Variants in ARPP21 observed in about 807,000 individuals in gnomAD.
ARPP21 encodes the protein cAMP regulated phosphoprotein 21, also known as cAMP-regulated phosphoprotein 21.
ARPP21 carries 69 observed loss-of-function variants against 113.2 expected under a neutral mutation model. The observed-to-expected ratio is 0.61, with a 90% CI of 0.50 to 0.74. The LOEUF (loss-of-function observed/expected upper bound fraction) is 0.74, where lower values mean the gene tolerates loss of function less well. Ranked by LOEUF, ARPP21 falls within the 30% of genes least tolerant of loss-of-function variation. ARPP21 has a pLI of 0.00. For missense variants in ARPP21, 1,070 were observed against 1,037.4 expected (o/e 1.03, Z -0.43); for synonymous variants, 368 against 375.5 (o/e 0.98, Z 0.23).
At chr3:35,695,125 G>A (rs1462987475) in intron 9 of ARPP21, among the ~76,000 whole-genome samples, 3 of 151,324 alleles carry the variant, frequency 2.0e-5, no homozygotes, top group Non-Finnish European at 3.0e-5. Context: ...TACTGCCACA[G>A]CAATCTGATT....
chr3:35,662,699 G>A (rs1473120069), intron 1 of ARPP21, among the ~76,000 whole-genome samples: 1 of 152,198 alleles, frequency 6.6e-6, no homozygotes, highest in Non-Finnish European at 1.5e-5. Flanking sequence ...GATTATTCTA[G>A]GAAAGAGTGT....
intron 1 of ARPP21, among the ~76,000 whole-genome samples, chr3:35,656,956 T>G (rs1025744162): frequency 6.6e-5 from 10 of 151,994 alleles, no homozygotes; most frequent in Admixed American, 6.6e-4. Flanking sequence ...GAAGATATGA[T>G]CTCTATGAGA....
intron 18 of ARPP21, among the ~76,000 whole-genome samples, chr3:35,739,894 A>C (rs957197038): frequency 1.3e-5 from 2 of 152,162 alleles, no homozygotes; most frequent in African/African-American, 2.4e-5. Flanking sequence ...GGGATTGCCT[A>C]GGAAGGAAAA....
chr3:35,695,631 CT>C (rs1273427402), intron 9 of ARPP21, among the ~76,000 whole-genome samples: 1 of 151,474 alleles, frequency 6.6e-6, no homozygotes, highest in Non-Finnish European at 1.5e-5. Context: ...TGGGGACTAC[CT>C]GCCCATCCAT....
chr3:35,780,263 A>T (rs1447280027), intron 19 of ARPP21, among the ~76,000 whole-genome samples: 3 of 152,204 alleles, frequency 2.0e-5, no homozygotes, highest in Non-Finnish European at 4.4e-5. Flanking sequence ...GGCTAAGCAA[A>T]CATGTTTAAG....
rs2150755776 is a variant in ARPP21, at chr3:35,739,503, C to A, written c.1936C>A (p.Pro646Thr). 6.2e-7 allele frequency: 1 copy of A among 1,614,108 alleles called. No homozygotes were observed. Among genetic ancestry groups the A allele is most frequent in the South Asian group, 1.1e-5 (1 of 91,070 alleles). Residue 646 changes from proline to threonine, a missense_variant, in exon 18 of 21, where the codon CCT becomes ACT. Transcript: ENST00000684406. ...TACAGGAGGATTCTCAGGCTCTGGCCCTCCCATCTCCCAGCAGGTCCTCCA... is the reference window on the plus strand; with the variant it reads ...TACAGGAGGATTCTCAGGCTCTGGCACTCCCATCTCCCAGCAGGTCCTCCA... ...LPTGGFSGSG[P>T]PISQQVLQPP...
At chr3:35,791,452 C>T (rs2096746016) in intron 19 of ARPP21, among the ~76,000 whole-genome samples, 1 of 152,120 alleles carries the variant, frequency 6.6e-6, no homozygotes. Context: ...AAATGAATGT[C>T]TTTCATTTCT....
At chr3:35,668,017 G>GAAGAAGAAA (rs1553646402) in intron 1 of ARPP21, among the ~76,000 whole-genome samples, 21 of 149,588 alleles carry the variant, frequency 1.4e-4, no homozygotes, top group East Asian at 9.8e-4. Flanking sequence ...AGAAGAAGAA[G>GAAGAAGAAA]AAGAAGAAGA....
At chr3:35,769,952 A>G (rs1383706809) in intron 19 of ARPP21, among the ~76,000 whole-genome samples, 1 of 152,142 alleles carries the variant, frequency 6.6e-6, no homozygotes. Context: ...CTCTTGTGGG[A>G]GTGTGGGAGT....
intron 19 of ARPP21, among the ~76,000 whole-genome samples, chr3:35,748,067 G>GAAGAAAGAAAGA (rs71622571): frequency 0.029 from 2,485 of 86,794 alleles, 95 homozygotes; most frequent in East Asian, 0.096. Context: ...AAGAAGGAAG[G>GAAGAAAGAAAGA]AAGAAAGAAA....
intron 14 of ARPP21, among the ~76,000 whole-genome samples, chr3:35,727,143 A>G (rs1489172188): frequency 6.6e-6 from 1 of 152,252 alleles, no homozygotes; most frequent in African/African-American, 2.4e-5. Flanking sequence ...GAATTGACAT[A>G]AAACTATCAC....
In ARPP21 at chr3:35,682,856, G is replaced by A; in HGVS notation, c.138G>A (p.Leu46=). The A allele has an allele frequency of 6.2e-7, 1 of 1,608,302 alleles. No homozygotes were observed. Among genetic ancestry groups the A allele is most frequent in the South Asian group, 1.1e-5 (1 of 90,396 alleles). Residue 46 remains leucine, a synonymous_variant, in exon 4 of 21, where the codon CTG becomes CTA. Transcript: ENST00000684406. ...TTCTTTCCAACATACAGAGGCGGCT[G>A]GAGGCTCAGAATCAAGAAAGAAGAA... is the stretch of plus-strand genomic sequence containing the variant. The part of the protein sequence containing the change: ...EEEKLELQRR[L]EAQNQERRKS...
chr3:35,735,702 C>T (rs890292725), intron 15 of ARPP21, among the ~76,000 whole-genome samples: 2 of 152,224 alleles, frequency 1.3e-5, no homozygotes, highest in African/African-American at 4.8e-5. Context: ...GCCCCATTCT[C>T]TCTAAGTATT....
chr3:35,664,370 A>G (rs1332711904), intron 1 of ARPP21, among the ~76,000 whole-genome samples: 1 of 152,158 alleles, frequency 6.6e-6, no homozygotes, highest in Non-Finnish European at 1.5e-5. Flanking sequence ...TAGTTACCCT[A>G]TAGAGCAATT....
chr3:35,715,584 T>C, intron 12 of ARPP21, 108 bp downstream of exon 12: 1 of 832,514 alleles, frequency 1.2e-6, no homozygotes. Context: ...TGAATATATG[T>C]ATTAGCAGAT....
intron 15 of ARPP21, among the ~76,000 whole-genome samples, chr3:35,734,876 G>A (rs142265129): frequency 4.6e-5 from 7 of 152,114 alleles, no homozygotes; most frequent in East Asian, 1.9e-4. Flanking sequence ...AAATTTTTGC[G>A]TATATGAAAA....
chr3:35,762,425 T>C (rs1354178166), intron 19 of ARPP21, among the ~76,000 whole-genome samples: 6 of 152,126 alleles, frequency 3.9e-5, no homozygotes, highest in African/African-American at 1.4e-4. Context: ...GCATTGCCTA[T>C]ATATGCAGGT....
At chr3:35,648,493 A>G (rs9831406) in intron 1 of ARPP21, among the ~76,000 whole-genome samples, 7,247 of 152,254 alleles carry the variant, frequency 0.048, 244 homozygotes, top group Admixed American at 0.084. Context: ...CTTTGGCCTC[A>G]CCAAGGGGTC....
chr3:35,732,738 T>C (rs1255207936), intron 15 of ARPP21, among the ~76,000 whole-genome samples: 4 of 152,376 alleles, frequency 2.6e-5, no homozygotes, highest in Non-Finnish European at 2.9e-5. Flanking sequence ...CTGTGTTATA[T>C]AAAGTCATGC....
Sources: allele counts gnomAD v4.1 joint callset (sites outside exome capture counted in the v4.1 genomes callset), GRCh38; gene constraint gnomAD v4.1.1; transcripts MANE v1.5; gene names NCBI Gene and HGNC (gene_info 2026-07-23, HGNC 2026-07-21).